The following FBXL20 variants were observed in gnomAD, a reference collection of about 807,000 sequenced individuals.
FBXL20 encodes F-box/LRR-repeat protein 20.
A neutral mutation model predicts 64.0 loss-of-function variants in FBXL20; 11 were observed. The observed-to-expected ratio is 0.17, with a 90% CI of 0.11 to 0.28. FBXL20 has a LOEUF of 0.28. Among genes scored for constraint, FBXL20 ranks in the 10% least tolerant of loss-of-function variants. The pLI, the probability that FBXL20 is intolerant of heterozygous loss-of-function variation, is 1.00. For synonymous variants in FBXL20, 184 were observed against 189.0 expected, an observed-to-expected ratio of 0.97 and a Z score of 0.22; for missense variants, 303 against 526.2, an observed-to-expected ratio of 0.58 and a Z score of 4.15.
intron 1 of FBXL20, among the ~76,000 whole-genome samples, chr17:39,361,801 A>G (rs1243451445): frequency 1.3e-5 from 2 of 151,962 alleles, no homozygotes; most frequent in African/African-American, 4.8e-5. Flanking sequence ...CGTCTCAAAA[A>G]AAAATGCTTT....
chr17:39,365,990 T>A (rs956928769), intron 1 of FBXL20, among the ~76,000 whole-genome samples: 52 of 152,014 alleles, frequency 3.4e-4, no homozygotes, highest in Non-Finnish European at 5.4e-4. Context: ...CAACGGAATT[T>A]AAAAAAATTT....
In FBXL20 at chr17:39,350,729, T is replaced by C. The variant is rs188370401; in HGVS notation, c.43-7488A>G. Among the ~76,000 whole-genome samples, 136 of 152,268 alleles carry C rather than the reference T, an allele frequency of 8.9e-4. 2 individuals are homozygous for C. The highest frequency in any genetic ancestry group is 1.6e-3 in the Non-Finnish European group (106 of 68,020). On this transcript the variant is annotated intron_variant, in intron 1 of 14. Coordinates refer to ENST00000264658, the MANE Select transcript of FBXL20 (RefSeq NM_032875.3). ...CACATAAGTCTCCTAACTCCAGGTT[T>C]GTAAGAAAGAACCAGATTAGTGGTT... is the stretch of plus-strand genomic sequence containing the variant.
At chr17:39,279,525 A>G (rs1350129180) in intron 9 of FBXL20, among the ~76,000 whole-genome samples, 2 of 151,622 alleles carry the variant, frequency 1.3e-5, no homozygotes, top group Non-Finnish European at 2.9e-5. Flanking sequence ...GGAACTTATC[A>G]CTTTTTTCTT....
intron 6 of FBXL20, among the ~76,000 whole-genome samples, chr17:39,286,674 T>A (rs2046990801): frequency 6.6e-6 from 1 of 151,914 alleles, no homozygotes; most frequent in African/African-American, 2.4e-5. Context: ...GGCACATGCC[T>A]GTAATCCCAG....
chr17:39,315,459 C>A (rs1424917766), intron 2 of FBXL20, among the ~76,000 whole-genome samples: 1 of 147,156 alleles, frequency 6.8e-6, no homozygotes, highest in Non-Finnish European at 1.5e-5. Flanking sequence ...TCTTCCTCTT[C>A]CTTTCCTTTG....
At chr17:39,327,524 A>T (rs996364207) in intron 2 of FBXL20, among the ~76,000 whole-genome samples, 4 of 152,112 alleles carry the variant, frequency 2.6e-5, no homozygotes, top group Non-Finnish European at 5.9e-5. Context: ...TGCTTATGTA[A>T]CAGGATTATC....
At chr17:39,348,704 A>G (rs1054095456) in intron 1 of FBXL20, among the ~76,000 whole-genome samples, 1 of 152,156 alleles carries the variant, frequency 6.6e-6, no homozygotes, top group Non-Finnish European at 1.5e-5. Flanking sequence ...ATGTGTTTAC[A>G]TGTTCTTACT....
intron 2 of FBXL20, among the ~76,000 whole-genome samples, chr17:39,313,975 T>C (rs1180671697): frequency 2.0e-5 from 3 of 152,150 alleles, no homozygotes. Context: ...AAGTGCATAA[T>C]TCGGTGATTT....
At chr17:39,308,776 A>G (rs2047206212) in intron 2 of FBXL20, among the ~76,000 whole-genome samples, 1 of 151,942 alleles carries the variant, frequency 6.6e-6, no homozygotes, top group African/African-American at 2.4e-5. Flanking sequence ...TGTGTTAATC[A>G]GGATGGTCTC....
intron 1 of FBXL20, among the ~76,000 whole-genome samples, chr17:39,374,075 AGCCAG>A (rs549531164): frequency 3.6e-4 from 55 of 151,826 alleles, no homozygotes; most frequent in South Asian, 6.2e-4. Context: ...TACAAAAATT[AGCCAG>A]GCGTGGTGGT....
intron 1 of FBXL20, among the ~76,000 whole-genome samples, chr17:39,345,301 T>C (rs1416863562): frequency 2.6e-5 from 4 of 152,138 alleles, no homozygotes; most frequent in Middle Eastern, 6.8e-3. Context: ...TGACAAGAGA[T>C]GTAAGAGAGA....
intron 7 of FBXL20, 55 bp from the exon 8 acceptor site, chr17:39,282,910 CCAA>C: frequency 6.3e-7 from 1 of 1,596,850 alleles, no homozygotes; most frequent in African/African-American, 1.3e-5. Flanking sequence ...TCCAAAAACA[CCAA>C]CGTCTCAATT....
chr17:39,353,936 A>G (rs186310498), intron 1 of FBXL20, among the ~76,000 whole-genome samples: 2 of 152,122 alleles, frequency 1.3e-5, no homozygotes, highest in Admixed American at 1.3e-4. Context: ...TTTTTATCTT[A>G]AAAATGTTTC....
intron 1 of FBXL20, among the ~76,000 whole-genome samples, chr17:39,372,993 CTTAT>C (rs1336200062): frequency 2.0e-5 from 3 of 151,748 alleles, no homozygotes; most frequent in African/African-American, 4.8e-5. Flanking sequence ...AATTAGACTA[CTTAT>C]TTTTCTTTTC....
intron 1 of FBXL20, among the ~76,000 whole-genome samples, chr17:39,361,533 T>TA (rs1402195987): frequency 6.6e-6 from 1 of 152,022 alleles, no homozygotes; most frequent in Non-Finnish European, 1.5e-5. Flanking sequence ...CAGGGTGGCT[T>TA]ATGCCTGTAA....
chr17:39,384,598 GAGA>G (rs1009476275), intron 1 of FBXL20, among the ~76,000 whole-genome samples: 5 of 151,898 alleles, frequency 3.3e-5, no homozygotes, highest in African/African-American at 4.8e-5. Flanking sequence ...TCTAAAGGTG[GAGA>G]AGAAGAGGTG....
chr17:39,287,940 G>C (rs2047002898), intron 6 of FBXL20, among the ~76,000 whole-genome samples: 1 of 145,924 alleles, frequency 6.9e-6, no homozygotes, highest in South Asian at 2.2e-4. Flanking sequence ...TTGCATTGTG[G>C]TTTTACTTTA....
chr17:39,360,774 T>G (rs1209385454), intron 1 of FBXL20, among the ~76,000 whole-genome samples: 1 of 152,156 alleles, frequency 6.6e-6, no homozygotes, highest in East Asian at 1.9e-4. Context: ...TCAGAGACAG[T>G]AGCTATTCAG....
chr17:39,291,719 G>C lies in FBXL20; in HGVS notation c.398+5408C>G, dbSNP rs576014082. On this transcript the variant is annotated intron_variant, in intron 6 of 14. Transcript: ENST00000264658. ...CAAAGTACTGGGATTACAGGTGTGAGGCACTGTGCCCGGCCAAACTTTTCT... is the reference window on the plus strand; with the variant it reads ...CAAAGTACTGGGATTACAGGTGTGACGCACTGTGCCCGGCCAAACTTTTCT... Among the ~76,000 whole-genome samples the C allele has an allele frequency of 3.9e-5, 6 of 152,200 alleles. No individual in the cohort carries two copies. The South Asian group carries it at 1.2e-3, about 32-fold the overall frequency.
Sources: allele counts gnomAD v4.1 joint callset (sites outside exome capture counted in the v4.1 genomes callset), GRCh38; gene constraint gnomAD v4.1.1; transcripts MANE v1.5; gene names NCBI Gene and HGNC (gene_info 2026-07-23, HGNC 2026-07-21).